Variants in ALK observed in about 807,000 individuals in gnomAD.
ALK encodes ALK receptor tyrosine kinase, also known as ALK tyrosine kinase receptor.
Under a neutral mutation model 163.1 loss-of-function variants are expected in ALK, and 74 were observed. The ratio of observed to expected loss-of-function variants is 0.45; its 90% CI spans 0.38 to 0.55. The LOEUF is 0.55. ALK is among the 20% of genes least tolerant of loss of function. ALK has a pLI of 0.00. For synonymous variants in ALK, 960 were observed against 843.2 expected (o/e 1.14, Z -2.40); for missense variants, 2,063 against 2,105.3 (o/e 0.98, Z 0.39).
chr2:29,625,666 T>G (rs1676172362), intron 3 of ALK, among the ~76,000 whole-genome samples: 2 of 152,376 alleles, frequency 1.3e-5, no homozygotes, highest in South Asian at 2.1e-4. Flanking sequence ...CTAGGCGATA[T>G]GGCCTTCTAT....
intron 3 of ALK, among the ~76,000 whole-genome samples, chr2:29,643,781 C>A (rs1166369968): frequency 6.6e-6 from 1 of 152,118 alleles, no homozygotes; most frequent in African/African-American, 2.4e-5. Flanking sequence ...GAAACAGGAA[C>A]ACTTTTACAC....
chr2:29,375,252 C>T (rs1668727582), intron 5 of ALK, among the ~76,000 whole-genome samples: 1 of 152,228 alleles, frequency 6.6e-6, no homozygotes, highest in Admixed American at 6.5e-5. Context: ...CTCACTGACC[C>T]TCAGCATGAG....
rs528213001 is a variant in ALK, at chr2:29,869,856, CA to C, written c.667+50136del. Among the ~76,000 whole-genome samples, 1,257 of 152,032 alleles carry C rather than the reference CA, an allele frequency of 8.3e-3. 11 individuals are homozygous for C. The highest frequency in any genetic ancestry group is 0.014 in the Non-Finnish European group (924 of 67,944). On this transcript the variant is annotated intron_variant, in intron 1 of 28. Transcript: ENST00000389048. ...ACCAAAAACAAACAAATATGCAAAA[CA>C]AAAACATTAAGATCCTAATTGATTA...
At chr2:29,537,405 G>A (rs1673288180) in intron 3 of ALK, among the ~76,000 whole-genome samples, 1 of 152,164 alleles carries the variant, frequency 6.6e-6, no homozygotes, top group African/African-American at 2.4e-5. Context: ...AAGGGCCCAG[G>A]TACGGCTCCA....
intron 4 of ALK, among the ~76,000 whole-genome samples, chr2:29,508,354 T>A (rs1428143916): frequency 6.6e-6 from 1 of 152,154 alleles, no homozygotes; most frequent in Non-Finnish European, 1.5e-5. Flanking sequence ...CACCATGGAA[T>A]ACTATGCAGC....
intron 3 of ALK, among the ~76,000 whole-genome samples, chr2:29,654,430 A>G (rs922211502): frequency 1.3e-5 from 2 of 152,140 alleles, no homozygotes; most frequent in African/African-American, 4.8e-5. Context: ...TGGGTCTTCC[A>G]GGTCTAGCAT....
At chr2:29,513,390 C>T (rs1242746800) in intron 4 of ALK, among the ~76,000 whole-genome samples, 1 of 146,470 alleles carries the variant, frequency 6.8e-6, no homozygotes, top group African/African-American at 2.6e-5. Context: ...GAAAAACAAG[C>T]AATGGGGAAA....
intron 5 of ALK, among the ~76,000 whole-genome samples, chr2:29,372,350 A>T (rs141929852): frequency 2.6e-4 from 40 of 152,264 alleles, no homozygotes; most frequent in African/African-American, 9.6e-4. Flanking sequence ...CTTCCAGGGG[A>T]TGCCATTTCA....
rs1665645887 is a variant in ALK at position 29,839,447 on chromosome 2, C to T, written c.667+80546G>A. On this transcript the variant is annotated intron_variant, in intron 1 of 28. Coordinates refer to ENST00000389048, the MANE Select transcript of ALK (RefSeq NM_004304.5). ...TCATCATCTTCAAGATTTCACATAA[C>T]TGCCTTCCAATTCAGACCAGCAAAG... 2.6e-5 allele frequency among the ~76,000 whole-genome samples: 4 copies of T among 152,292 alleles called. No individual in the cohort carries two copies. In the South Asian group the frequency reaches 6.2e-4, roughly 24 times the overall value.
At chr2:29,691,633 G>A (rs896709149) in intron 3 of ALK, among the ~76,000 whole-genome samples, 1 of 152,102 alleles carries the variant, frequency 6.6e-6, no homozygotes, top group Non-Finnish European at 1.5e-5. Context: ...GCATTGATAT[G>A]TTTCCATGCT....
chr2:29,405,281 C>G (rs964400671), intron 4 of ALK, among the ~76,000 whole-genome samples: 1 of 152,138 alleles, frequency 6.6e-6, no homozygotes, highest in East Asian at 1.9e-4. Context: ...ATATCTGTTC[C>G]TTTCGAAACT....
In ALK at chr2:29,864,348, C is replaced by T. The variant is rs143394126; in HGVS notation, c.667+55645G>A. Among the ~76,000 whole-genome samples, 483 of 152,318 alleles carry T rather than the reference C, an allele frequency of 3.2e-3. 1 individual carries two copies. The highest frequency in any genetic ancestry group is 0.011 in the African/African-American group (448 of 41,558). On this transcript the variant is annotated intron_variant, in intron 1 of 28. Transcript: ENST00000389048. ...ACTCTTCTTTTGAATGGTCAGCTTC[C>T]TCCTCTCTTTTGAGTCTTGGCAGAG... is the stretch of plus-strand genomic sequence containing the variant.
At chr2:29,511,019 T>G (rs1480997324) in intron 4 of ALK, among the ~76,000 whole-genome samples, 1 of 152,190 alleles carries the variant, frequency 6.6e-6, no homozygotes, top group Non-Finnish European at 1.5e-5. Context: ...TTACACTCAA[T>G]GCACTTGTCT....
chr2:29,232,727 G>GCTTCCTCTA (rs527257743), intron 14 of ALK, among the ~76,000 whole-genome samples: 32 of 152,192 alleles, frequency 2.1e-4, no homozygotes, highest in Admixed American at 4.6e-4. Context: ...CTTAGAGGCT[G>GCTTCCTCTA]CTTCCTCTAC....
intron 21 of ALK, 34 bp from the exon 22 acceptor site, chr2:29,222,442 G>GAGT (rs1219865594): frequency 3.1e-6 from 5 of 1,613,526 alleles, no homozygotes; most frequent in African/African-American, 1.3e-5. Context: ...GGAGGAGGAG[G>GAGT]AGGCTGTGAG....
rs541315214 is a variant in ALK at position 29,920,520 on chromosome 2, G to A, written c.140C>T (p.Ser47Leu). 1.5e-4 allele frequency: 242 copies of A among 1,611,974 alleles called. 2 individuals carry two copies. In the South Asian group the frequency reaches 2.5e-3, roughly 17 times the overall value. Residue 47 changes from serine to leucine, a missense_variant, in exon 1 of 29, where the codon TCG becomes TTG. Physicochemically the swap from Ser to Leu is moderately radical, Grantham distance 145. This residue lies in a region of ALK where 987 missense variants were observed against 939.5 expected (regional missense o/e 1.05). Transcript: ENST00000389048. ...TGCCAGACTCTTCCTCTGCAGGCGC[G>A]AGTAGCTGAGTGGCTCCCGGGGCTG... ...PLQPREPLSY[S>L]RLQRKSLAVD...
At chr2:29,255,490 G>A (rs185530121) in intron 11 of ALK, among the ~76,000 whole-genome samples, 243 of 152,280 alleles carry the variant, frequency 1.6e-3, no homozygotes, top group Non-Finnish European at 3.0e-3. Flanking sequence ...TCTAATACTC[G>A]ATGAGACTTG....
chr2:29,808,035 A>T (rs1278804420), intron 1 of ALK, among the ~76,000 whole-genome samples: 2 of 152,232 alleles, frequency 1.3e-5, no homozygotes, highest in African/African-American at 2.4e-5. Context: ...AGCATCTATC[A>T]AGGATCTAAT....
chr2:29,297,221 G>A (rs549228971), intron 8 of ALK, among the ~76,000 whole-genome samples, 164 bp from the exon 9 acceptor site: 1 of 152,166 alleles, frequency 6.6e-6, no homozygotes, highest in Non-Finnish European at 1.5e-5. Flanking sequence ...GGCTTTCAGT[G>A]AAGTTCAAGT....
Sources: gnomAD v4.1 joint callset for allele counts (sites outside exome capture counted in the v4.1 genomes callset) on GRCh38, gnomAD v4.1.1 for gene constraint, gnomAD v4.1.1 regional missense constraint, MANE v1.5 for transcripts, NCBI Gene and HGNC (gene_info 2026-07-23, HGNC 2026-07-21) for gene names.